Variants in MYNN observed in about 807,000 individuals in gnomAD.
The protein encoded by MYNN is zinc finger and BTB domain-containing protein 31.
Under a neutral mutation model 57.2 loss-of-function variants are expected in MYNN, and 22 were observed. That is an observed-to-expected ratio of 0.38 (90% CI 0.27 to 0.55). The LOEUF is 0.55. MYNN is among the 20% of genes least tolerant of loss of function. The pLI is 0.71. For synonymous variants in MYNN, 241 were observed against 257.1 expected (o/e 0.94, Z 0.60); for missense variants, 566 against 723.1 (o/e 0.78, Z 2.49).
At chr3:169,774,594 G>A (rs951445946) in intron 2 of MYNN, 33 bp downstream of exon 2, 1 of 1,586,102 alleles carries the variant, frequency 6.3e-7, no homozygotes. Flanking sequence ...AGTTATAAAA[G>A]CTAGTCAGTA....
chr3:169,787,861 C>T lies in MYNN; in HGVS notation c.*1183C>T, dbSNP rs1476998043. The T allele has an allele frequency of 6.6e-6, 1 of 152,012 alleles. No homozygotes were observed. The highest frequency in any genetic ancestry group is 2.4e-5 in the African/African-American group (1 of 41,414). The allele number at this position is 152,012 out of a possible 1,614,324, so 9.4% of individuals were successfully genotyped here. A position where few individuals can be genotyped will look rare whatever the true frequency, so the allele number is the denominator to read the frequency against. On this transcript the variant is annotated 3_prime_UTR_variant, in exon 8 of 8. Coordinates refer to ENST00000349841, the MANE Select transcript of MYNN (RefSeq NM_018657.5). The stretch of plus-strand genomic sequence containing the variant: ...ACCACTCATCCCCATGCCACTTTTC[C>T]CACATATTAATTTATTTCACTGCCT...
Position 169,782,349 on chromosome 3 carries a change from CAT to C in MYNN, c.1221-114_1221-113del, listed in dbSNP as rs1778543948. 1.4e-6 allele frequency: 1 copy of C among 718,596 alleles called. No homozygotes were observed. Among genetic ancestry groups the C allele is most frequent in the African/African-American group, 1.8e-5 (1 of 55,068 alleles). 44.5% of individuals were successfully genotyped at this position (718,596 alleles called of 1,614,324 possible). ...CTGAAACAACTACTGATTTTAAATA[CAT>C]AGTCTTGGCCTGTTAAGATGACATG... On this transcript the variant is annotated intron_variant, in intron 4 of 7. Coordinates refer to ENST00000349841, the MANE Select transcript of MYNN (RefSeq NM_018657.5). The surrounding 1 kb of genome is among the most constrained non-coding windows in gnomAD (Gnocchi z 4.8).
intron 2 of MYNN, among the ~76,000 whole-genome samples, chr3:169,776,694 ATTTTTTTTTTTTTTT>A (rs10681957): frequency 2.8e-5 from 3 of 105,628 alleles, no homozygotes; most frequent in Non-Finnish European, 5.4e-5. Flanking sequence ...TGTTGAACAA[ATTTTTTTTTTTTTTT>A]TTTTTTTTTT....
At chr3:169,779,661 G>T in intron 3 of MYNN, 100 bp downstream of exon 3, 3 of 1,222,124 alleles carry the variant, frequency 2.5e-6, no homozygotes, top group Non-Finnish European at 2.2e-6. Flanking sequence ...ACCAGAATTT[G>T]GTATATTTTT....
At chr3:169,781,607 A>G (rs890886838) in intron 4 of MYNN, among the ~76,000 whole-genome samples, 1 of 152,196 alleles carries the variant, frequency 6.6e-6, no homozygotes, top group Admixed American at 6.5e-5. Flanking sequence ...AGAGGTAACT[A>G]GGAAGGAGCA....
chr3:169,778,642 T>C (rs1016773075), intron 2 of MYNN, 126 bp from the exon 3 acceptor site: 22 of 682,952 alleles, frequency 3.2e-5, no homozygotes, highest in Middle Eastern at 8.5e-4. Flanking sequence ...TATTTTTCTC[T>C]TAGTTATGTC....
Position 169,782,557 on chromosome 3 carries a change from C to T in MYNN, c.1313C>T (p.Thr438Ile), listed in dbSNP as rs1778549651. Residue 438 changes from threonine to isoleucine, a missense_variant, in exon 5 of 8, where the codon ACT (threonine) becomes ATT (isoleucine). Thr to Ile is a moderately conservative substitution (Grantham distance 89). Coordinates refer to ENST00000349841, the MANE Select transcript of MYNN (RefSeq NM_018657.5). The surrounding 1 kb of genome is among the most constrained non-coding windows in gnomAD (Gnocchi z 4.8). ...CTGACCTATCATGTCCGTAGGCATA[C>T]TGGAGAAAAGCCTTATGTATGTGAT... ...STLTYHVRRH[T>I]GEKPYVCDTC... 6.2e-7 allele frequency: 1 copy of T among 1,613,944 alleles called. No individual in the cohort carries two copies. Among genetic ancestry groups the T allele is most frequent in the Non-Finnish European group, 8.5e-7 (1 of 1,179,866 alleles).
At chr3:169,777,311 A>T (rs1049023495) in intron 2 of MYNN, 6 of 152,168 alleles carry the variant, frequency 3.9e-5, no homozygotes, top group Admixed American at 3.9e-4. Context: ...TTTTATTTCA[A>T]ATTTTAGTCC....
chr3:169,778,487 T>TAA, intron 2 of MYNN: 1 of 257,812 alleles, frequency 3.9e-6, no homozygotes, highest in Non-Finnish European at 7.3e-6. Context: ...TCTAGGGTTT[T>TAA]AAAAAAAAAG....
chr3:169,778,165 T>A (rs1778402743), intron 2 of MYNN: 1 of 152,018 alleles, frequency 6.6e-6, no homozygotes, highest in Non-Finnish European at 1.5e-5. Flanking sequence ...GAGTTATCAT[T>A]ATACCAGTGC....
intron 5 of MYNN, among the ~76,000 whole-genome samples, chr3:169,783,246 A>G (rs949671405): frequency 2.6e-5 from 4 of 152,092 alleles, no homozygotes; most frequent in Admixed American, 1.3e-4. Context: ...AATCATCTCT[A>G]TTAGAAGGGA....
At chr3:169,776,319 G>C (rs922942351) in intron 2 of MYNN, among the ~76,000 whole-genome samples, 7 of 152,188 alleles carry the variant, frequency 4.6e-5, no homozygotes, top group Non-Finnish European at 7.3e-5. Context: ...ACAACTTAGT[G>C]ATTAAGAAAA....
chr3:169,783,579 C>A lies in MYNN; in HGVS notation c.1483+19C>A. 6.5e-7 allele frequency: 1 copy of A among 1,546,988 alleles called. No homozygotes were observed. Among genetic ancestry groups the A allele is most frequent in the South Asian group, 1.1e-5 (1 of 87,416 alleles). On this transcript the variant is annotated intron_variant, in intron 6 of 7. Coordinates refer to ENST00000349841, the MANE Select transcript of MYNN (RefSeq NM_018657.5). ...CATACAGGTCTGTGTTTAGGGAGAA[C>A]GTATTATTTTTTGTTCTCTCTTAAT...
chr3:169,782,519 T>C lies in MYNN; in HGVS notation c.1275T>C (p.Ala425=), dbSNP rs755565641. The C allele has an allele frequency of 2.5e-6, 4 of 1,613,866 alleles. No homozygotes were observed. In the East Asian group the frequency reaches 8.9e-5, roughly 36 times the overall value. ...YVCDRCGQRF[A]QASTLTYHVR... is the part of the protein sequence containing the mutation. ...GTGATAGGTGTGGACAGAGATTTGC[T>C]CAAGCCAGCACACTGACCTATCATG... The change falls in exon 5 of 8, where the codon GCT becomes GCC. Residue 425 remains alanine, a synonymous_variant. Coordinates refer to ENST00000349841, the MANE Select transcript of MYNN (RefSeq NM_018657.5). The surrounding 1 kb of genome is among the most constrained non-coding windows in gnomAD (Gnocchi z 4.8).
Position 169,774,350 on chromosome 3 carries a change from G to A in MYNN, c.55G>A (p.Glu19Lys), listed in dbSNP as rs1778264548. 7 of 1,613,984 alleles carry A rather than the reference G, an allele frequency of 4.3e-6. No individual in the cohort carries two copies. In the African/African-American group the frequency reaches 5.3e-5, roughly 12 times the overall value. ...HLLERLNKQREAGFLCDCTIV... is the reference protein window; with the variant it reads ...HLLERLNKQRKAGFLCDCTIV... ...TTTAGAGAGACTGAACAAACAGCGGGAAGCAGGTTTTCTCTGTGACTGTAC... is the reference window on the plus strand; with the variant it reads ...TTTAGAGAGACTGAACAAACAGCGGAAAGCAGGTTTTCTCTGTGACTGTAC... Residue 19 changes from glutamate (E) to lysine (K), a missense_variant, in exon 2 of 8, where the codon GAA (glutamate) becomes AAA (lysine). Coordinates refer to ENST00000349841, the MANE Select transcript of MYNN (RefSeq NM_018657.5).
chr3:169,776,084 A>G (rs76057740), intron 2 of MYNN, among the ~76,000 whole-genome samples: 1 of 152,214 alleles, frequency 6.6e-6, no homozygotes, highest in Admixed American at 6.5e-5. Flanking sequence ...CTGCAATTTA[A>G]TGGTTTCCCT....
rs1778433454 is a variant in MYNN at position 169,779,050 on chromosome 3, G to A, written c.549G>A (p.Lys183=). Residue 183 remains lysine (K), a synonymous_variant, in exon 3 of 8, where the codon AAG becomes AAA. Coordinates refer to ENST00000349841, the MANE Select transcript of MYNN (RefSeq NM_018657.5). ...AGTCATCTCAAACGAAAAAGAAGAA[G>A]AAGGCTTTCAACTCCCCGAAAACAG... is the stretch of plus-strand genomic sequence containing the variant. ...AKKSSQTKKK[K]KAFNSPKTGQ... 3.1e-6 allele frequency: 5 copies of A among 1,613,946 alleles called. No homozygotes were observed. The highest frequency in any genetic ancestry group is 4.2e-6 in the Non-Finnish European group (5 of 1,180,038).
Position 169,786,416 on chromosome 3 carries a change from G to A in MYNN, c.1571G>A (p.Gly524Asp), listed in dbSNP as rs1465627673. Residue 524 changes from glycine (G) to aspartate (D), a missense_variant and splice_region_variant, in exon 8 of 8, where the codon GGT (glycine) becomes GAT (aspartate). By Grantham distance (94) the Gly-to-Asp change is moderately conservative (BLOSUM62 -1). Around this residue, in one of 4 missense-constraint regions of MYNN, gnomAD observed 156 missense variants for 163.9 expected, o/e 0.95. Coordinates refer to ENST00000349841, the MANE Select transcript of MYNN (RefSeq NM_018657.5). ...LKKHKTKVHS[G>D]ADKTLDSSAE... ...AGATTTTTTTTTCCTTCCATTCTAGGTGCAGATAAAACTCTAGACTCCAGT... is the reference window on the plus strand; with the variant it reads ...AGATTTTTTTTTCCTTCCATTCTAGATGCAGATAAAACTCTAGACTCCAGT... 6.2e-7 allele frequency: 1 copy of A among 1,605,836 alleles called. No individual in the cohort carries two copies. The highest frequency in any genetic ancestry group is 1.1e-5 in the South Asian group (1 of 90,606).
chr3:169,778,987 G>C lies in MYNN; in HGVS notation c.486G>C (p.Leu162Phe). The C allele has an allele frequency of 3.7e-6, 6 of 1,613,706 alleles. No individual in the cohort carries two copies. In the South Asian group the frequency reaches 6.6e-5, roughly 18 times the overall value. ...AGAAATCAGAAGTATCTACAGATTT[G>C]ATTCAGGCAAATCCTAAACAAGGCG... ...NREKSEVSTDLIQANPKQGAL... is the reference protein window; with the variant it reads ...NREKSEVSTDFIQANPKQGAL... The change falls in exon 3 of 8, where the codon TTG becomes TTC. Residue 162 changes from leucine (L) to phenylalanine (F), a missense_variant. By Grantham distance (22) the Leu-to-Phe change is conservative (BLOSUM62 0). Around this residue, in one of 4 missense-constraint regions of MYNN, gnomAD observed 261 missense variants for 280.8 expected, o/e 0.93. Coordinates refer to ENST00000349841, the MANE Select transcript of MYNN (RefSeq NM_018657.5).
Sources: allele counts gnomAD v4.1 joint callset (sites outside exome capture counted in the v4.1 genomes callset), GRCh38; gene constraint gnomAD v4.1.1; regional missense constraint gnomAD v4.1.1; non-coding constraint Gnocchi (gnomAD v3.1); transcripts MANE v1.5; gene names NCBI Gene and HGNC (gene_info 2026-07-23, HGNC 2026-07-21).